The following PCED1B variants were observed in gnomAD, a reference collection of about 807,000 sequenced individuals.
The protein encoded by PCED1B is PC-esterase domain-containing protein 1B.
For missense variants in PCED1B, 573 were observed against 573.9 expected, an observed-to-expected ratio of 1.00 and a Z score of 0.02; for synonymous variants, 251 against 246.1, an observed-to-expected ratio of 1.02 and a Z score of -0.19.
intron 1 of PCED1B, among the ~76,000 whole-genome samples, chr12:47,081,185 AAAGATGCC>A (rs1202740109): frequency 6.6e-6 from 1 of 152,222 alleles, no homozygotes; most frequent in East Asian, 1.9e-4. Context: ...TGCCTTGACA[AAAGATGCC>A]AACCACAGTG....
At chr12:47,090,587 A>G (rs1938220761) in intron 1 of PCED1B, among the ~76,000 whole-genome samples, 1 of 152,148 alleles carries the variant, frequency 6.6e-6, no homozygotes, top group South Asian at 2.1e-4. Flanking sequence ...CAGCTCTCCA[A>G]AAATTCCCTC....
chr12:47,173,231 T>C (rs910869220), intron 2 of PCED1B, among the ~76,000 whole-genome samples: 1 of 152,204 alleles, frequency 6.6e-6, no homozygotes, highest in African/African-American at 2.4e-5. Context: ...AAGTAACTTT[T>C]TCGAAGTTCA....
At chr12:47,168,410 T>A (rs1941613333) in intron 2 of PCED1B, among the ~76,000 whole-genome samples, 1 of 152,180 alleles carries the variant, frequency 6.6e-6, no homozygotes, top group Admixed American at 6.5e-5. Flanking sequence ...TGTCTCTCTC[T>A]TATTTCTTAT....
chr12:47,096,462 T>C (rs912085508), intron 1 of PCED1B, among the ~76,000 whole-genome samples: 1 of 151,314 alleles, frequency 6.6e-6, no homozygotes, highest in African/African-American at 2.4e-5. Context: ...ATAATAGTAA[T>C]GTAATGTGTA....
At position 47,235,409 on chromosome 12, in the gene PCED1B, C is replaced by G. The variant is rs780724126; in HGVS notation, c.346C>G (p.Pro116Ala). 1 of 1,614,186 alleles carries G rather than the reference C, an allele frequency of 6.2e-7. No homozygotes were observed. The highest frequency in any genetic ancestry group is 1.7e-5 in the Admixed American group (1 of 60,022). Reference sequence around the variant, plus strand: ...AGAGCTGCAGTCGGGCGAGCACGCCCCCGACCTGGTCATCATGAATTCCTG... The same window carrying G: ...AGAGCTGCAGTCGGGCGAGCACGCCGCCGACCTGGTCATCATGAATTCCTG... ...LKELQSGEHA[P>A]DLVIMNSCLW... The change falls in exon 4 of 4, where the codon CCC (proline) becomes GCC (alanine). Residue 116 changes from proline to alanine, a missense_variant. By Grantham distance (27) the Pro-to-Ala change is conservative (BLOSUM62 -1). Coordinates refer to ENST00000546455, the MANE Select transcript of PCED1B (RefSeq NM_138371.3).
rs1165164351 is a variant in PCED1B at position 47,229,996 on chromosome 12, A to G, written c.-57-5011A>G. ...TCACCGTGTTAGCCAGGATGGTCTCAATCTCCTGACCTCGTGATCTGCCCG... is the reference window on the plus strand; with the variant it reads ...TCACCGTGTTAGCCAGGATGGTCTCGATCTCCTGACCTCGTGATCTGCCCG... On this transcript the variant is annotated intron_variant, in intron 3 of 3. Transcript: ENST00000546455. Among the ~76,000 whole-genome samples, 3 of 146,122 alleles carry G rather than the reference A, an allele frequency of 2.1e-5. No individual in the cohort carries two copies. In the South Asian group the frequency reaches 6.6e-4, roughly 32 times the overall value.
intron 2 of PCED1B, among the ~76,000 whole-genome samples, chr12:47,215,818 G>A (rs1356895643): frequency 7.4e-6 from 1 of 135,240 alleles, no homozygotes; most frequent in African/African-American, 3.0e-5. Flanking sequence ...ACTTTGGGAG[G>A]CCAAGGCGGG....
chr12:47,103,448 A>T (rs907681377), intron 1 of PCED1B, among the ~76,000 whole-genome samples: 1 of 152,218 alleles, frequency 6.6e-6, no homozygotes, highest in African/African-American at 2.4e-5. Context: ...GCCATGATGA[A>T]GTCACGAGTT....
At chr12:47,114,285 T>C (rs1939326974) in intron 2 of PCED1B, among the ~76,000 whole-genome samples, 1 of 152,168 alleles carries the variant, frequency 6.6e-6, no homozygotes, top group South Asian at 2.1e-4. Flanking sequence ...ATTTGACACA[T>C]GAGGAAACTG....
chr12:47,089,607 G>A (rs79847027), intron 1 of PCED1B, among the ~76,000 whole-genome samples: 1 of 151,102 alleles, frequency 6.6e-6, no homozygotes, highest in Admixed American at 6.6e-5. Context: ...AAATAATAAA[G>A]AAGAGTAATT....
At chr12:47,222,422 C>CAAAAA (rs750444043) in intron 3 of PCED1B, among the ~76,000 whole-genome samples, 52 of 81,556 alleles carry the variant, frequency 6.4e-4, no homozygotes, top group African/African-American at 2.1e-3. Flanking sequence ...AACTCCATCT[C>CAAAAA]AAAAAAAAAA....
chr12:47,123,236 A>G lies in PCED1B; in HGVS notation c.-526+19041A>G, dbSNP rs552533839. On this transcript the variant is annotated intron_variant, in intron 2 of 3. Transcript: ENST00000546455. ...AGTGGTCAAAAAACCTTTCTTAACA[A>G]CTTTTGTTAGGTAAAAAAGTGCTTT... Among the ~76,000 whole-genome samples, 3 of 152,266 alleles carry G rather than the reference A, an allele frequency of 2.0e-5. 1 individual carries two copies. The highest frequency in any genetic ancestry group is 4.4e-5 in the Non-Finnish European group (3 of 67,986).
At chr12:47,179,656 A>C (rs1397563354) in intron 2 of PCED1B, among the ~76,000 whole-genome samples, 3 of 152,170 alleles carry the variant, frequency 2.0e-5, no homozygotes, top group Non-Finnish European at 2.9e-5. Flanking sequence ...CATAATTCTG[A>C]ACATCACTTC....
chr12:47,214,304 A>G (rs1943180623), intron 2 of PCED1B, among the ~76,000 whole-genome samples: 1 of 152,206 alleles, frequency 6.6e-6, no homozygotes, highest in African/African-American at 2.4e-5. Flanking sequence ...AAAGACAATT[A>G]TGTCACATTA....
chr12:47,194,170 A>G (rs1942530517), intron 2 of PCED1B, among the ~76,000 whole-genome samples: 1 of 152,022 alleles, frequency 6.6e-6, no homozygotes, highest in African/African-American at 2.4e-5. Flanking sequence ...GCCTCCTCTC[A>G]GGAATAGGTC....
At chr12:47,167,648 C>G (rs547634040) in intron 2 of PCED1B, among the ~76,000 whole-genome samples, 1 of 152,036 alleles carries the variant, frequency 6.6e-6, no homozygotes, top group Non-Finnish European at 1.5e-5. Context: ...GCACAGAGAA[C>G]GAAGCTGGAT....
At chr12:47,103,101 T>C (rs989091442) in intron 1 of PCED1B, among the ~76,000 whole-genome samples, 1 of 151,826 alleles carries the variant, frequency 6.6e-6, no homozygotes, top group Non-Finnish European at 1.5e-5. Flanking sequence ...AAGAACAGAG[T>C]TTTAAAAAAA....
intron 2 of PCED1B, among the ~76,000 whole-genome samples, chr12:47,207,457 C>T (rs1942946135): frequency 6.6e-6 from 1 of 152,184 alleles, no homozygotes; most frequent in Non-Finnish European, 1.5e-5. Context: ...GCTGCTGCCT[C>T]CTCCCAGTCC....
intron 2 of PCED1B, among the ~76,000 whole-genome samples, chr12:47,141,295 G>C (rs993979768): frequency 6.6e-6 from 1 of 152,126 alleles, no homozygotes; most frequent in South Asian, 2.1e-4. Context: ...TGGACCCCAG[G>C]TTGCAAAACC....
Sources: allele counts gnomAD v4.1 joint callset (sites outside exome capture counted in the v4.1 genomes callset), GRCh38; gene constraint gnomAD v4.1.1; transcripts MANE v1.5; gene names NCBI Gene and HGNC (gene_info 2026-07-23, HGNC 2026-07-21).